Variants in VPS54 observed in about 807,000 individuals in gnomAD.
VPS54 encodes the protein VPS54 subunit of GARP complex.
Under a neutral mutation model 121.5 loss-of-function variants are expected in VPS54, and 45 were observed. The observed-to-expected ratio is 0.37, with a 90% CI of 0.29 to 0.47. The LOEUF (loss-of-function observed/expected upper bound fraction) is 0.47, where lower values mean the gene tolerates loss of function less well. Among genes scored for constraint, VPS54 ranks in the 20% least tolerant of loss-of-function variants. The pLI is 0.99. For synonymous variants in VPS54, 371 were observed against 385.8 expected (o/e 0.96, Z 0.45); for missense variants, 1,090 against 1,131.4 (o/e 0.96, Z 0.52).
chr2:63,975,861 A>G (rs1235016807), intron 3 of VPS54, among the ~76,000 whole-genome samples: 1 of 152,146 alleles, frequency 6.6e-6, no homozygotes, highest in Non-Finnish European at 1.5e-5. Flanking sequence ...AGGTGAACCC[A>G]TTGGCAATTA....
intron 7 of VPS54, among the ~76,000 whole-genome samples, chr2:63,949,823 A>G (rs1675155931): frequency 6.6e-6 from 1 of 152,184 alleles, no homozygotes; most frequent in Non-Finnish European, 1.5e-5. Flanking sequence ...GTTTGTTTCT[A>G]TATGGTACCA....
At chr2:63,917,742 C>G (rs1673449003) in intron 15 of VPS54, among the ~76,000 whole-genome samples, 1 of 151,980 alleles carries the variant, frequency 6.6e-6, no homozygotes, top group South Asian at 2.1e-4. Flanking sequence ...TTCATCACTT[C>G]TCTATATTAC....
Position 63,921,246 on chromosome 2 carries a change from C to T in VPS54, c.1829G>A (p.Cys610Tyr), listed in dbSNP as rs1673630860. ...QELLYSASDI[C>Y]HDRAVKFLMS... ...GAGAAATTTGACAGCTCGATCATGG[C>T]ATATATCTGAGGCACTATATAATAA... Residue 610 changes from cysteine to tyrosine, a missense_variant, in exon 13 of 23, where the codon TGC (cysteine) becomes TAC (tyrosine). Transcript: ENST00000272322. The T allele has an allele frequency of 6.2e-7, 1 of 1,612,314 alleles. No homozygotes were observed. Among genetic ancestry groups the T allele is most frequent in the African/African-American group, 1.3e-5 (1 of 74,896 alleles).
intron 4 of VPS54, 65 bp downstream of exon 4, chr2:63,972,101 A>T: frequency 9.1e-7 from 1 of 1,100,642 alleles, no homozygotes; most frequent in Non-Finnish European, 1.2e-6. Flanking sequence ...AGGTCCCAAA[A>T]TAAAGATTTT....
chr2:64,000,441 G>A (rs972416977), intron 1 of VPS54, among the ~76,000 whole-genome samples: 2 of 152,190 alleles, frequency 1.3e-5, no homozygotes, highest in African/African-American at 2.4e-5. Context: ...GGATGATGTA[G>A]ATGGGTGTAG....
At chr2:64,013,713 CAT>C (rs200785376) in intron 1 of VPS54, among the ~76,000 whole-genome samples, 1 of 145,082 alleles carries the variant, frequency 6.9e-6, no homozygotes, top group Non-Finnish European at 1.5e-5. Flanking sequence ...ATATATATAT[CAT>C]ATAGAGAGAT....
intron 21 of VPS54, among the ~76,000 whole-genome samples, chr2:63,898,723 ATAT>A (rs1214949762): frequency 6.6e-6 from 1 of 152,176 alleles, no homozygotes; most frequent in African/African-American, 2.4e-5. Context: ...CTAGACTTTA[ATAT>A]TATACCATTT....
At chr2:63,903,891 T>G (rs1672792153) in intron 20 of VPS54, among the ~76,000 whole-genome samples, 1 of 152,054 alleles carries the variant, frequency 6.6e-6, no homozygotes, top group Non-Finnish European at 1.5e-5. Flanking sequence ...ATGACAGATT[T>G]AAATCTAACT....
At chr2:63,953,221 T>C (rs917533439) in intron 7 of VPS54, among the ~76,000 whole-genome samples, 1 of 141,556 alleles carries the variant, frequency 7.1e-6, no homozygotes, top group East Asian at 2.3e-4. Flanking sequence ...AACCTCCACC[T>C]CCCAGGTTCA....
At chr2:63,966,601 C>T (rs1676014135) in intron 5 of VPS54, among the ~76,000 whole-genome samples, 1 of 152,132 alleles carries the variant, frequency 6.6e-6, no homozygotes, top group Admixed American at 6.5e-5. Flanking sequence ...CCTAATCTAT[C>T]CCCTATACTA....
chr2:63,966,299 T>C lies in VPS54; in HGVS notation c.493-333A>G, dbSNP rs796939118. ...TACTCATCCTAAAATTTCCACATTA[T>C]TTCCCACTGATAGTTTTTTAAAATG... On this transcript the variant is annotated intron_variant, in intron 5 of 22. Coordinates refer to ENST00000272322, the MANE Select transcript of VPS54 (RefSeq NM_016516.3). 4.6e-5 allele frequency among the ~76,000 whole-genome samples: 7 copies of C among 152,354 alleles called. 1 individual carries two copies. The highest frequency in any genetic ancestry group is 2.1e-4 in the South Asian group (1 of 4,828).
chr2:63,972,279 T>C, intron 3 of VPS54, 35 bp from the exon 4 acceptor site: 2 of 1,468,538 alleles, frequency 1.4e-6, no homozygotes, highest in Non-Finnish European at 1.9e-6. Flanking sequence ...TCAATGTATG[T>C]GTAAACATGA....
intron 12 of VPS54, among the ~76,000 whole-genome samples, chr2:63,929,101 A>G (rs1451056437): frequency 2.6e-5 from 4 of 152,130 alleles, no homozygotes; most frequent in African/African-American, 9.7e-5. Flanking sequence ...TCAATATTAG[A>G]TCAACACGAC....
chr2:63,946,372 A>G (rs1674978626), intron 9 of VPS54, among the ~76,000 whole-genome samples: 2 of 152,122 alleles, frequency 1.3e-5, no homozygotes, highest in African/African-American at 4.8e-5. Context: ...GTGAACTTAT[A>G]TACATATTTC....
intron 1 of VPS54, among the ~76,000 whole-genome samples, chr2:64,012,649 A>C (rs1678481905): frequency 1.3e-5 from 2 of 150,514 alleles, no homozygotes; most frequent in African/African-American, 4.9e-5. Context: ...TTTTTCTATT[A>C]GTTATTCCCC....
intron 3 of VPS54, among the ~76,000 whole-genome samples, chr2:63,976,822 TC>T (rs1417824014): frequency 1.9e-4 from 14 of 74,258 alleles, no homozygotes; most frequent in African/African-American, 3.7e-4. Context: ...GCTTATATCT[TC>T]TCTTTTTTTT....
At chr2:63,928,281 C>A (rs1175750920) in intron 12 of VPS54, among the ~76,000 whole-genome samples, 1 of 152,194 alleles carries the variant, frequency 6.6e-6, no homozygotes. Context: ...AGGTTACCCA[C>A]AAAGGGAAGC....
chr2:63,897,215 T>C (rs892501760), intron 22 of VPS54, among the ~76,000 whole-genome samples: 1 of 152,152 alleles, frequency 6.6e-6, no homozygotes, highest in African/African-American at 2.4e-5. Context: ...CTGTTTGGAA[T>C]AGGGAAAGCT....
At chr2:63,952,935 A>C (rs1675321413) in intron 7 of VPS54, among the ~76,000 whole-genome samples, 1 of 152,140 alleles carries the variant, frequency 6.6e-6, no homozygotes, top group Non-Finnish European at 1.5e-5. Context: ...ACAGAATAGA[A>C]ACAACCCAAA....
Sources: gnomAD v4.1 joint callset for allele counts (sites outside exome capture counted in the v4.1 genomes callset) on GRCh38, gnomAD v4.1.1 for gene constraint, MANE v1.5 for transcripts, NCBI Gene and HGNC (gene_info 2026-07-23, HGNC 2026-07-21) for gene names.